CMTM8: variants seen among roughly 807,000 people sequenced by gnomAD.
CMTM8 encodes the protein CKLF-like MARVEL transmembrane domain-containing protein 8.
Under a neutral mutation model 18.6 loss-of-function variants are expected in CMTM8, and 12 were observed. That is an observed-to-expected ratio of 0.65 (90% CI 0.41 to 1.05). CMTM8 has a LOEUF of 1.05. Ranked by LOEUF, CMTM8 falls within the 50% of genes least tolerant of loss-of-function variation. The pLI, the probability that CMTM8 is intolerant of heterozygous loss-of-function variation, is 0.00. For missense variants in CMTM8, 217 were observed against 227.2 expected, an observed-to-expected ratio of 0.95 and a Z score of 0.29; for synonymous variants, 87 against 90.6, an observed-to-expected ratio of 0.96 and a Z score of 0.23.
chr3:32,263,725 C>T (rs191955659), intron 1 of CMTM8, among the ~76,000 whole-genome samples: 18 of 152,232 alleles, frequency 1.2e-4, no homozygotes, highest in Non-Finnish European at 4.4e-5. Flanking sequence ...GAATGGCTAA[C>T]TAGAATAACC....
At chr3:32,339,738 C>T (rs1248695492) in intron 1 of CMTM8, among the ~76,000 whole-genome samples, 11 of 151,994 alleles carry the variant, frequency 7.2e-5, no homozygotes, top group African/African-American at 2.4e-4. Context: ...CCGAGGCGGG[C>T]GGATCATGAG....
intron 1 of CMTM8, among the ~76,000 whole-genome samples, chr3:32,313,976 A>G (rs1458366572): frequency 6.6e-6 from 1 of 152,150 alleles, no homozygotes; most frequent in Non-Finnish European, 1.5e-5. Flanking sequence ...CCTGGGTGAC[A>G]GAGCGAGACC....
chr3:32,317,095 C>T (rs1695947672), intron 1 of CMTM8, among the ~76,000 whole-genome samples: 1 of 152,100 alleles, frequency 6.6e-6, no homozygotes, highest in African/African-American at 2.4e-5. Flanking sequence ...CTGAAATCTG[C>T]TTGTCACTTG....
chr3:32,304,362 C>G lies in CMTM8; in HGVS notation c.148-53011C>G, dbSNP rs142150216. Among the ~76,000 whole-genome samples, 480 of 152,298 alleles carry G rather than the reference C, an allele frequency of 3.2e-3. 1 individual carries two copies. Among genetic ancestry groups the G allele is most frequent in the Non-Finnish European group, 4.6e-3 (316 of 68,026 alleles). On this transcript the variant is annotated intron_variant, in intron 1 of 3. Coordinates refer to ENST00000307526, the MANE Select transcript of CMTM8 (RefSeq NM_178868.5). ...TTGGCCTCTCTGATTGTAACATCCA[C>G]TGATGTTCTTCTCAGCTGTACTTTG...
At chr3:32,270,820 GTAAC>G (rs548717870) in intron 1 of CMTM8, among the ~76,000 whole-genome samples, 186 of 152,162 alleles carry the variant, frequency 1.2e-3, no homozygotes, top group African/African-American at 4.4e-3. Flanking sequence ...GTATACATAT[GTAAC>G]TAACCTGCAC....
chr3:32,309,600 C>T (rs559941548), intron 1 of CMTM8, among the ~76,000 whole-genome samples: 130 of 152,250 alleles, frequency 8.5e-4, no homozygotes, highest in Non-Finnish European at 1.4e-3. Context: ...AGCCACCATA[C>T]CTGGCCAACC....
chr3:32,292,478 C>A (rs1337203912), intron 1 of CMTM8, among the ~76,000 whole-genome samples: 1 of 152,148 alleles, frequency 6.6e-6, no homozygotes, highest in Non-Finnish European at 1.5e-5. Flanking sequence ...GCATAGACTG[C>A]GTAATCCATC....
chr3:32,255,880 C>T (rs1317306384), intron 1 of CMTM8, among the ~76,000 whole-genome samples: 1 of 152,042 alleles, frequency 6.6e-6, no homozygotes, highest in Non-Finnish European at 1.5e-5. Flanking sequence ...TACTTGCCAC[C>T]ATGCCCAGCT....
intron 1 of CMTM8, among the ~76,000 whole-genome samples, chr3:32,329,063 T>C (rs9821218): frequency 0.084 from 12,831 of 152,150 alleles, 611 homozygotes; most frequent in African/African-American, 0.1. Context: ...AATATCAATA[T>C]TGATTCAAAA....
intron 1 of CMTM8, among the ~76,000 whole-genome samples, chr3:32,291,422 G>A (rs1303975781): frequency 2.0e-5 from 3 of 152,188 alleles, no homozygotes; most frequent in African/African-American, 7.2e-5. Context: ...TTACAGGCGT[G>A]AGCCACCGTG....
chr3:32,335,193 G>C (rs1227800507), intron 1 of CMTM8, among the ~76,000 whole-genome samples: 1 of 152,194 alleles, frequency 6.6e-6, no homozygotes, highest in Non-Finnish European at 1.5e-5. Context: ...GGTCTCCAGG[G>C]GTACCAGTGG....
intron 2 of CMTM8, among the ~76,000 whole-genome samples, chr3:32,359,193 G>A (rs1252534523): frequency 2.6e-5 from 4 of 152,200 alleles, no homozygotes; most frequent in African/African-American, 7.2e-5. Flanking sequence ...TACTGTAGTC[G>A]TCTTGGGCCA....
rs1696861142 is a variant in CMTM8 at position 32,358,514 on chromosome 3, G to T, written c.321+968G>T. On this transcript the variant is annotated intron_variant, in intron 2 of 3. Coordinates refer to ENST00000307526, the MANE Select transcript of CMTM8 (RefSeq NM_178868.5). The surrounding 1 kb of genome is among the most constrained non-coding windows in gnomAD (Gnocchi z 4.1). ...ATTTAGTTCCAAATAACTGACTTAT[G>T]AACCAAATTTGAAATATAGTCTATT... is the stretch of plus-strand genomic sequence containing the variant. 6.6e-6 allele frequency among the ~76,000 whole-genome samples: 1 copy of T among 152,128 alleles called. No homozygotes were observed. The highest frequency in any genetic ancestry group is 2.1e-4 in the South Asian group (1 of 4,826).
At chr3:32,348,709 C>G (rs1696649154) in intron 1 of CMTM8, among the ~76,000 whole-genome samples, 1 of 151,726 alleles carries the variant, frequency 6.6e-6, no homozygotes. Context: ...CCATGTTACC[C>G]AGGCTGGTTT....
At chr3:32,248,846 T>G (rs879400493) in intron 1 of CMTM8, among the ~76,000 whole-genome samples, 1 of 151,810 alleles carries the variant, frequency 6.6e-6, no homozygotes, top group Non-Finnish European at 1.5e-5. Flanking sequence ...AATTGTTTAA[T>G]TTTTTGTAGA....
At chr3:32,311,195 A>G (rs1230291333) in intron 1 of CMTM8, among the ~76,000 whole-genome samples, 2 of 152,206 alleles carry the variant, frequency 1.3e-5, no homozygotes, top group African/African-American at 2.4e-5. Context: ...TGACTTTTAT[A>G]TTTTTTAACG....
intron 1 of CMTM8, among the ~76,000 whole-genome samples, chr3:32,327,081 C>T (rs2342366): frequency 0.082 from 12,332 of 151,248 alleles, 511 homozygotes; most frequent in Middle Eastern, 0.12. Flanking sequence ...GTCCAGTAAC[C>T]TTAGTGACCC....
chr3:32,314,092 A>G (rs1695875757), intron 1 of CMTM8, among the ~76,000 whole-genome samples: 1 of 152,212 alleles, frequency 6.6e-6, no homozygotes, highest in African/African-American at 2.4e-5. Context: ...AGAGGGTTCT[A>G]CAGGATCTAT....
intron 1 of CMTM8, among the ~76,000 whole-genome samples, chr3:32,284,870 G>A (rs1702654642): frequency 6.6e-6 from 1 of 152,174 alleles, no homozygotes. Context: ...AATTTTGAGT[G>A]GTGTCCTCGG....
Sources: allele counts gnomAD v4.1 joint callset (sites outside exome capture counted in the v4.1 genomes callset), GRCh38; gene constraint gnomAD v4.1.1; non-coding constraint Gnocchi (gnomAD v3.1); transcripts MANE v1.5; gene names NCBI Gene and HGNC (gene_info 2026-07-23, HGNC 2026-07-21).